The following WDR49 variants were observed in gnomAD, a reference collection of about 807,000 sequenced individuals.
WDR49 encodes the protein WD repeat domain 49, also known as cilia- and flagella-associated protein 337.
Under a neutral mutation model 119.5 loss-of-function variants are expected in WDR49, and 107 were observed. The observed-to-expected ratio is 0.90, with a 90% CI of 0.77 to 1.05. The LOEUF (loss-of-function observed/expected upper bound fraction) is 1.05, where lower values mean the gene tolerates loss of function less well. Among genes scored for constraint, WDR49 ranks in the 50% least tolerant of loss-of-function variants. The pLI is 0.00. For missense variants in WDR49, 1,240 were observed against 1,220.5 expected, an observed-to-expected ratio of 1.02 and a Z score of -0.24; for synonymous variants, 425 against 418.8, an observed-to-expected ratio of 1.01 and a Z score of -0.18.
intron 2 of WDR49, among the ~76,000 whole-genome samples, chr3:167,628,159 C>T (rs1039413617): frequency 8.6e-5 from 13 of 151,978 alleles, no homozygotes; most frequent in African/African-American, 3.1e-4. Flanking sequence ...TTTCCCTCTC[C>T]CTTTCCTTGG....
At chr3:167,519,555 G>A (rs888249136) in intron 16 of WDR49, among the ~76,000 whole-genome samples, 8 of 151,760 alleles carry the variant, frequency 5.3e-5, no homozygotes, top group Admixed American at 5.3e-4. Context: ...AACATCACAT[G>A]TTCTCACTCA....
chr3:167,481,066 CAAA>C (rs34399475), intron 18 of WDR49, among the ~76,000 whole-genome samples: 1 of 135,684 alleles, frequency 7.4e-6, no homozygotes. Flanking sequence ...ATATTTCAAG[CAAA>C]AAAAAAAAAA....
intron 5 of WDR49, among the ~76,000 whole-genome samples, chr3:167,615,292 C>G (rs1716540365): frequency 6.6e-6 from 1 of 152,040 alleles, no homozygotes; most frequent in African/African-American, 2.4e-5. Context: ...CATGCCACCA[C>G]ACTCAGCTAA....
chr3:167,569,875 G>A (rs986055939), intron 8 of WDR49, among the ~76,000 whole-genome samples: 4 of 152,106 alleles, frequency 2.6e-5, no homozygotes, highest in Non-Finnish European at 5.9e-5. Flanking sequence ...GAAGATAAGA[G>A]AAAATATATG....
At chr3:167,563,110 T>A (rs1713367497) in intron 8 of WDR49, among the ~76,000 whole-genome samples, 1 of 152,116 alleles carries the variant, frequency 6.6e-6, no homozygotes, top group African/African-American at 2.4e-5. Flanking sequence ...CTCACGCCTG[T>A]AATTGCAGCA....
chr3:167,587,029 T>G (rs1714855287), intron 7 of WDR49, among the ~76,000 whole-genome samples: 1 of 152,184 alleles, frequency 6.6e-6, no homozygotes, highest in African/African-American at 2.4e-5. Flanking sequence ...ATATATGGTA[T>G]AATTCCAGAA....
At chr3:167,555,115 TAATTAGAAGGTGGA>T (rs1412926425) in intron 9 of WDR49, among the ~76,000 whole-genome samples, 1 of 152,036 alleles carries the variant, frequency 6.6e-6, no homozygotes. Flanking sequence ...CGCCAAGGCA[TAATTAGAAGGTGGA>T]AATTTCAGCC....
At chr3:167,628,958 T>C (rs538826979) in intron 2 of WDR49, among the ~76,000 whole-genome samples, 2 of 152,216 alleles carry the variant, frequency 1.3e-5, no homozygotes, top group South Asian at 2.1e-4. Flanking sequence ...CTGAGGCTTT[T>C]AGAATTATGC....
intron 6 of WDR49, 50 bp from the exon 7 acceptor site, chr3:167,602,325 C>T (rs778530764): frequency 1.6e-5 from 23 of 1,448,924 alleles, no homozygotes; most frequent in Non-Finnish European, 1.9e-5. Context: ...ATGAATAGCC[C>T]ACAGCATTTT....
At chr3:167,495,353 A>C (rs60186130) in intron 18 of WDR49, among the ~76,000 whole-genome samples, 1 of 151,844 alleles carries the variant, frequency 6.6e-6, no homozygotes, top group South Asian at 2.1e-4. Context: ...AAAGTATATA[A>C]ATATGTGTGT....
At chr3:167,567,618 A>G (rs1713683488) in intron 8 of WDR49, among the ~76,000 whole-genome samples, 1 of 152,106 alleles carries the variant, frequency 6.6e-6, no homozygotes, top group African/African-American at 2.4e-5. Flanking sequence ...TCTTTTCCAT[A>G]GCATTGACGG....
chr3:167,554,253 A>G (rs1401751887), intron 10 of WDR49, among the ~76,000 whole-genome samples: 3 of 152,158 alleles, frequency 2.0e-5, no homozygotes, highest in African/African-American at 4.8e-5. Context: ...CACAGGACTC[A>G]GTTGGCTATT....
intron 9 of WDR49, among the ~76,000 whole-genome samples, chr3:167,556,376 T>C (rs1712928350): frequency 6.6e-6 from 1 of 152,178 alleles, no homozygotes; most frequent in East Asian, 1.9e-4. Context: ...TCTCATCCTC[T>C]ACCGATAAAA....
At chr3:167,560,359 G>T in intron 8 of WDR49, 131 bp from the exon 9 acceptor site, 2 of 913,766 alleles carry the variant, frequency 2.2e-6, no homozygotes, top group South Asian at 3.7e-5. Context: ...TTTTTGTAAT[G>T]GACTTTCTTT....
chr3:167,620,603 C>A lies in WDR49; in HGVS notation c.784G>T (p.Val262Phe). ...ILSFGDITGK[V>F]QAIAFTAALI... Reference sequence around the variant, plus strand: ...GCTGCGGTGAAAGCAATTGCTTGAACCTTGACAGAGACATTGAAAGAACAA... The same window carrying A: ...GCTGCGGTGAAAGCAATTGCTTGAAACTTGACAGAGACATTGAAAGAACAA... Residue 262 changes from valine to phenylalanine, a missense_variant and splice_region_variant, in exon 5 of 19, where the codon GTT becomes TTT. Coordinates refer to ENST00000682715, the MANE Select transcript of WDR49 (RefSeq NM_001366157.1). The A allele has an allele frequency of 1.3e-6, 2 of 1,529,870 alleles. No individual in the cohort carries two copies. Among genetic ancestry groups the A allele is most frequent in the Non-Finnish European group, 1.7e-6 (2 of 1,143,220 alleles). 94.8% of individuals were successfully genotyped at this position (1,529,870 alleles called of 1,614,324 possible).
chr3:167,588,268 G>T (rs1714919200), intron 7 of WDR49, among the ~76,000 whole-genome samples: 1 of 152,064 alleles, frequency 6.6e-6, no homozygotes, highest in Non-Finnish European at 1.5e-5. Flanking sequence ...CCATGTTATT[G>T]CAAGTGACAG....
intron 2 of WDR49, among the ~76,000 whole-genome samples, chr3:167,634,304 C>T (rs1157884972): frequency 6.6e-6 from 1 of 151,834 alleles, no homozygotes; most frequent in Non-Finnish European, 1.5e-5. Context: ...CTTCCTAGTA[C>T]AATGTTTTGC....
chr3:167,596,227 C>T (rs1334613017), intron 7 of WDR49, among the ~76,000 whole-genome samples: 1 of 151,648 alleles, frequency 6.6e-6, no homozygotes. Flanking sequence ...ACAACAGGTG[C>T]TGGAGAGGAT....
In WDR49 at chr3:167,560,083, C is replaced by A. The variant is rs368382865; in HGVS notation, c.1655G>T (p.Ser552Ile). 312 of 1,614,008 alleles carry A rather than the reference C, an allele frequency of 1.9e-4. No individual in the cohort carries two copies. Among genetic ancestry groups the A allele is most frequent in the Non-Finnish European group, 2.2e-4 (261 of 1,180,008 alleles). Residue 552 changes from serine (S) to isoleucine (I), a missense_variant, in exon 9 of 19, where the codon AGC becomes ATC. Coordinates refer to ENST00000682715, the MANE Select transcript of WDR49 (RefSeq NM_001366157.1). ...DANETRLLTG[S>I]TDGTVKIWDF... Reference sequence around the variant, plus strand: ...TCGCACCTTTACAGTCCCATCTGTGCTGCCAGTCAAAAGCCGAGTCTCATT... The same window carrying A: ...TCGCACCTTTACAGTCCCATCTGTGATGCCAGTCAAAAGCCGAGTCTCATT...
Sources: gnomAD v4.1 joint callset for allele counts (sites outside exome capture counted in the v4.1 genomes callset) on GRCh38, gnomAD v4.1.1 for gene constraint, MANE v1.5 for transcripts, NCBI Gene and HGNC (gene_info 2026-07-23, HGNC 2026-07-21) for gene names.